HS3ST4: variants seen among roughly 807,000 people sequenced by gnomAD.
HS3ST4 encodes heparan sulfate-glucosamine 3-sulfotransferase 4, also known as heparan sulfate glucosamine 3-O-sulfotransferase 4.
HS3ST4 carries 17 observed loss-of-function variants against 29.2 expected under a neutral mutation model. The ratio of observed to expected loss-of-function variants is 0.58; its 90% confidence interval spans 0.40 to 0.87. HS3ST4 has a LOEUF of 0.87. Ranked by LOEUF, HS3ST4 falls within the 40% of genes least tolerant of loss-of-function variation. The pLI is 0.00. For synonymous variants in HS3ST4, 314 were observed against 285.7 expected, an observed-to-expected ratio of 1.10 and a Z score of -1.00; for missense variants, 627 against 634.5, an observed-to-expected ratio of 0.99 and a Z score of 0.13.
chr16:25,828,266 T>TTTTCTG (rs1367078581), intron 1 of HS3ST4, among the ~76,000 whole-genome samples: 1 of 82,258 alleles, frequency 1.2e-5, no homozygotes, highest in African/African-American at 5.4e-5. Context: ...CTTTCTTTCT[T>TTTTCTG]TCTTTCTTTC....
At chr16:26,109,152 T>A (rs901175559) in intron 1 of HS3ST4, among the ~76,000 whole-genome samples, 2 of 152,128 alleles carry the variant, frequency 1.3e-5, no homozygotes, top group African/African-American at 2.4e-5. Context: ...ATGAACTGAT[T>A]TACTAGAGCA....
intron 1 of HS3ST4, among the ~76,000 whole-genome samples, chr16:25,727,515 A>G (rs1211122962): frequency 1.3e-5 from 2 of 152,214 alleles, no homozygotes; most frequent in Non-Finnish European, 2.9e-5. Flanking sequence ...TCCATCAGGG[A>G]AAAAATAACA....
At chr16:25,855,563 AG>A (rs1967566881) in intron 1 of HS3ST4, among the ~76,000 whole-genome samples, 1 of 152,202 alleles carries the variant, frequency 6.6e-6, no homozygotes, top group African/African-American at 2.4e-5. Context: ...CTTATTGGCA[AG>A]GAGTCTGTTT....
At chr16:26,125,223 A>G (rs1352512875) in intron 1 of HS3ST4, among the ~76,000 whole-genome samples, 1 of 152,260 alleles carries the variant, frequency 6.6e-6, no homozygotes, top group Non-Finnish European at 1.5e-5. Flanking sequence ...GCTTTAGCAC[A>G]GAGGTCTCCA....
chr16:26,030,804 G>GCC (rs1336600436), intron 1 of HS3ST4, among the ~76,000 whole-genome samples: 1 of 152,136 alleles, frequency 6.6e-6, no homozygotes. Flanking sequence ...CTACATACAA[G>GCC]CTATGTCAGA....
At chr16:25,804,383 A>G (rs1966969812) in intron 1 of HS3ST4, among the ~76,000 whole-genome samples, 1 of 152,174 alleles carries the variant, frequency 6.6e-6, no homozygotes. Context: ...TCAGCTCTTC[A>G]CCACCTTTAA....
chr16:26,011,459 C>T (rs1392076459), intron 1 of HS3ST4, among the ~76,000 whole-genome samples: 1 of 152,112 alleles, frequency 6.6e-6, no homozygotes. Flanking sequence ...ATTCGGGAGG[C>T]TGAGACACTA....
chr16:25,830,320 C>G (rs1374752555), intron 1 of HS3ST4, among the ~76,000 whole-genome samples: 1 of 152,194 alleles, frequency 6.6e-6, no homozygotes, highest in Admixed American at 6.5e-5. Context: ...TTTCTTTATC[C>G]TCTTTCACCA....
intron 1 of HS3ST4, among the ~76,000 whole-genome samples, chr16:25,706,010 C>G (rs1966373469): frequency 6.6e-6 from 1 of 152,182 alleles, no homozygotes; most frequent in South Asian, 2.1e-4. Flanking sequence ...GACAAGCACT[C>G]TTATAAAGTT....
chr16:25,895,778 T>A (rs1406455882), intron 1 of HS3ST4, among the ~76,000 whole-genome samples: 1 of 152,038 alleles, frequency 6.6e-6, no homozygotes, highest in Non-Finnish European at 1.5e-5. Flanking sequence ...TCCTTGTGTC[T>A]CTTCTTATAA....
rs568062661 is a variant in HS3ST4, at chr16:25,916,710, C to T, written c.735-218902C>T. ...TTTTTTTTTTTTTGAGACAGAGTCTCGCGCTGTCCCCCAGGCTGGAGTGCA... is the reference window on the plus strand; with the variant it reads ...TTTTTTTTTTTTTGAGACAGAGTCTTGCGCTGTCCCCCAGGCTGGAGTGCA... On this transcript the variant is annotated intron_variant, in intron 1 of 1. Transcript: ENST00000331351. Among the ~76,000 whole-genome samples, 9 of 132,176 alleles carry T rather than the reference C, an allele frequency of 6.8e-5. No homozygotes were observed. In the East Asian group the frequency reaches 8.8e-4, roughly 13 times the overall value. The allele number at this position is 132,176 out of a possible 152,430, so 86.7% of individuals were successfully genotyped here.
intron 1 of HS3ST4, among the ~76,000 whole-genome samples, chr16:25,819,619 G>T (rs1017304268): frequency 6.6e-6 from 1 of 152,216 alleles, no homozygotes. Flanking sequence ...TGTCAACTCC[G>T]CTAGACACGT....
At chr16:26,111,109 C>G (rs183530588) in intron 1 of HS3ST4, among the ~76,000 whole-genome samples, 19 of 152,054 alleles carry the variant, frequency 1.2e-4, no homozygotes, top group Non-Finnish European at 1.5e-5. Context: ...GTCCCCCAGG[C>G]TAGAATGCTG....
At chr16:25,958,247 C>A (rs994954428) in intron 1 of HS3ST4, among the ~76,000 whole-genome samples, 5 of 152,208 alleles carry the variant, frequency 3.3e-5, no homozygotes, top group African/African-American at 1.2e-4. Context: ...CGTAAGAAAT[C>A]ACCCTGAAAC....
chr16:25,720,841 T>C (rs1198939502), intron 1 of HS3ST4, among the ~76,000 whole-genome samples: 2 of 152,182 alleles, frequency 1.3e-5, no homozygotes, highest in African/African-American at 2.4e-5. Context: ...GACTTTCATA[T>C]TGGACATGAG....
intron 1 of HS3ST4, among the ~76,000 whole-genome samples, chr16:26,021,981 G>A (rs902118988): frequency 2.7e-5 from 4 of 149,420 alleles, no homozygotes; most frequent in African/African-American, 7.4e-5. Flanking sequence ...TATTTTTTGG[G>A]GGACAGGGTC....
intron 1 of HS3ST4, among the ~76,000 whole-genome samples, chr16:25,974,801 G>T (rs1275931552): frequency 6.6e-6 from 1 of 152,146 alleles, no homozygotes; most frequent in Non-Finnish European, 1.5e-5. Context: ...TTTAAGAAAT[G>T]ACACACTTCT....
chr16:26,016,209 C>A (rs563193923), intron 1 of HS3ST4, among the ~76,000 whole-genome samples: 42 of 152,264 alleles, frequency 2.8e-4, no homozygotes, highest in African/African-American at 7.7e-4. Flanking sequence ...TCTGATGAGG[C>A]TGTTCTTATG....
intron 1 of HS3ST4, among the ~76,000 whole-genome samples, chr16:25,883,974 G>C (rs539637718): frequency 6.6e-6 from 1 of 152,242 alleles, no homozygotes; most frequent in South Asian, 2.1e-4. Context: ...TTAGCCGACT[G>C]TGGTGGCAGG....
Sources: gnomAD v4.1 joint callset for allele counts (sites outside exome capture counted in the v4.1 genomes callset) on GRCh38, gnomAD v4.1.1 for gene constraint, MANE v1.5 for transcripts, NCBI Gene and HGNC (gene_info 2026-07-23, HGNC 2026-07-21) for gene names.